The following CNNM2 variants were observed in gnomAD, a reference collection of about 807,000 sequenced individuals.
CNNM2 encodes cyclin and CBS domain divalent metal cation transport mediator 2, also known as metal transporter CNNM2.
A neutral mutation model predicts 66.9 loss-of-function variants in CNNM2; 12 were observed. The ratio of observed to expected loss-of-function variants is 0.18; its 90% CI spans 0.11 to 0.29. CNNM2 has a LOEUF of 0.29. CNNM2 is among the 10% of genes least tolerant of loss of function. The pLI, the probability that CNNM2 is intolerant of heterozygous loss-of-function variation, is 1.00. For synonymous variants in CNNM2, 557 were observed against 501.8 expected, an observed-to-expected ratio of 1.11 and a Z score of -1.47; for missense variants, 705 against 1,167.7, an observed-to-expected ratio of 0.60 and a Z score of 5.77.
At chr10:102,961,282 A>G (rs917304571) in intron 1 of CNNM2, among the ~76,000 whole-genome samples, 4 of 152,160 alleles carry the variant, frequency 2.6e-5, no homozygotes, top group African/African-American at 9.7e-5. Flanking sequence ...AGATAACACC[A>G]TGCTCTGGTA....
Position 103,087,140 on chromosome 10 carries a change from A to ATTTTTTTTTTTTTTTTTTTTTTTT in CNNM2, c.*9969_*9992dup, listed in dbSNP as rs71019655. 3 of 75,374 alleles carry ATTTTTTTTTTTTTTTTTTTTTTTT rather than the reference A, an allele frequency of 4.0e-5. 1 individual carries two copies. The highest frequency in any genetic ancestry group is 7.0e-5 in the Non-Finnish European group (3 of 42,738). 4.7% of individuals were successfully genotyped at this position (75,374 alleles called of 1,614,324 possible). On this transcript the variant is annotated 3_prime_UTR_variant, in exon 8 of 8. Coordinates refer to ENST00000369878, the MANE Select transcript of CNNM2 (RefSeq NM_017649.5). Reference sequence around the variant, plus strand: ...TTCTCACGGTATAAAACTCCGCAGGATTTTTTTTTTTTTTTTTTTTTTTTT... The same window carrying ATTTTTTTTTTTTTTTTTTTTTTTT: ...TTCTCACGGTATAAAACTCCGCAGGATTTTTTTTTTTTTTTTTTTTTTTTTTTTTTTTTTTTTTTTTTTTTTTTT...
At chr10:102,948,879 T>TAG (rs1554891057) in intron 1 of CNNM2, among the ~76,000 whole-genome samples, 3 of 151,394 alleles carry the variant, frequency 2.0e-5, no homozygotes, top group Non-Finnish European at 2.9e-5. Flanking sequence ...CTTTCAATGA[T>TAG]AGAGAGAGAG....
intron 4 of CNNM2, among the ~76,000 whole-genome samples, chr10:103,061,557 A>G (rs1225631608): frequency 6.6e-6 from 1 of 152,226 alleles, no homozygotes; most frequent in Non-Finnish European, 1.5e-5. Flanking sequence ...AGCAGCTAGA[A>G]TAAAAGGATT....
At chr10:102,962,504 GAC>G (rs2063397630) in intron 1 of CNNM2, among the ~76,000 whole-genome samples, 1 of 152,048 alleles carries the variant, frequency 6.6e-6, no homozygotes, top group African/African-American at 2.4e-5. Context: ...GTCTAACTCA[GAC>G]ACAGAGACAT....
chr10:102,975,469 GAAAA>G (rs57482469), intron 1 of CNNM2, among the ~76,000 whole-genome samples: 16 of 119,280 alleles, frequency 1.3e-4, no homozygotes, highest in African/African-American at 5.2e-4. Context: ...GATGGAATTA[GAAAA>G]AAAAAAAAAA....
intron 1 of CNNM2, among the ~76,000 whole-genome samples, chr10:103,019,057 C>T (rs2064515664): frequency 6.6e-6 from 1 of 151,284 alleles, no homozygotes; most frequent in African/African-American, 2.4e-5. Context: ...CACTTGAGCC[C>T]AGGAGTTAGA....
rs2066179964 is a variant in CNNM2, at chr10:103,089,654, GGGTTTT to G, written c.*12481_*12486del. The stretch of plus-strand genomic sequence containing the variant: ...CCAGGACTTGTTTAATGGGTGCTTG[GGGTTTT>G]GGTTTTCCTCCTTATTCTTCCTCCT... On this transcript the variant is annotated 3_prime_UTR_variant, in exon 8 of 8. Transcript: ENST00000369878. The G allele has an allele frequency of 6.3e-7, 1 of 1,576,634 alleles. No individual in the cohort carries two copies. Among genetic ancestry groups the G allele is most frequent in the African/African-American group, 1.4e-5 (1 of 74,018 alleles).
At position 102,918,367 on chromosome 10, in the gene CNNM2, G is replaced by A; in HGVS notation, c.-114G>A. On this transcript the variant is annotated 5_prime_UTR_variant, in exon 1 of 8. Transcript: ENST00000369878. This position sits in a 1 kb window ranked among gnomAD's most constrained non-coding sequence, Gnocchi z 4.1. ...GGTGGAGTCAGTGTCAGTCAGGGAG[G>A]CGAACTGCTGAGCACTGGCCGCGGA... The A allele has an allele frequency of 6.7e-7, 1 of 1,487,148 alleles. No individual in the cohort carries two copies. The highest frequency in any genetic ancestry group is 2.3e-4 in the Middle Eastern group (1 of 4,424). 92.1% of individuals were successfully genotyped at this position (1,487,148 alleles called of 1,614,324 possible).
rs12255761 is a variant in CNNM2, at chr10:103,042,109, C to T, written c.1622-7598C>T. Among the ~76,000 whole-genome samples the T allele has an allele frequency of 0.17, 25,772 of 152,142 alleles. 2,324 individuals carry two copies. Among genetic ancestry groups the T allele is most frequent in the Middle Eastern group, 0.23 (69 of 294 alleles). ...GCCATGCACTGTCCTCCACTGGGAG[C>T]GGCAGCTCTGTTCCTCTCATTGCTC... On this transcript the variant is annotated intron_variant, in intron 1 of 7. Coordinates refer to ENST00000369878, the MANE Select transcript of CNNM2 (RefSeq NM_017649.5).
Position 103,083,796 on chromosome 10 carries a change from A to C in CNNM2, c.*6616A>C, listed in dbSNP as rs1200545171. 6.6e-6 allele frequency: 1 copy of C among 152,258 alleles called. No individual in the cohort carries two copies. The highest frequency in any genetic ancestry group is 6.5e-5 in the Admixed American group (1 of 15,272). The allele number at this position is 152,258 out of a possible 1,614,324, so 9.4% of individuals were successfully genotyped here. The stretch of plus-strand genomic sequence containing the variant: ...AGCCGGCATTTCCTAGGTAAGACCA[A>C]AGGTCTCATTCAGGCCTCTCAATTG... On this transcript the variant is annotated 3_prime_UTR_variant, in exon 8 of 8. Transcript: ENST00000369878.
intron 1 of CNNM2, among the ~76,000 whole-genome samples, chr10:103,017,286 T>C (rs1008336469): frequency 6.6e-6 from 1 of 152,168 alleles, no homozygotes; most frequent in Non-Finnish European, 1.5e-5. Context: ...AGACGTACGA[T>C]GGAGGATGTC....
chr10:102,919,380 T>C lies in CNNM2; in HGVS notation c.900T>C (p.Asn300=). 6.2e-7 allele frequency: 1 copy of C among 1,612,274 alleles called. No individual in the cohort carries two copies. Among genetic ancestry groups the C allele is most frequent in the Non-Finnish European group, 8.5e-7 (1 of 1,180,010 alleles). Residue 300 remains asparagine, a synonymous_variant, in exon 1 of 8, where the codon AAT becomes AAC. Transcript: ENST00000369878. ...ACTGCGGCACGGAGAAGGAGAAGAA[T>C]TACGCCAAGCGCATCGAGCCGGTGC... ...VQNCGTEKEK[N]YAKRIEPVRR... is the part of the protein sequence containing the mutation.
chr10:103,085,265 A>G lies in CNNM2; in HGVS notation c.*8085A>G, dbSNP rs1197500802. ...TTTCCTACTGCAGTTCTACTAAGTC[A>G]TTGACTTGAGGTCAGTGGGTCCAAA... On this transcript the variant is annotated 3_prime_UTR_variant, in exon 8 of 8. Transcript: ENST00000369878. The G allele has an allele frequency of 6.6e-6, 1 of 152,224 alleles. No homozygotes were observed. Among genetic ancestry groups the G allele is most frequent in the Non-Finnish European group, 1.5e-5 (1 of 68,046 alleles). 9.4% of individuals were successfully genotyped at this position (152,224 alleles called of 1,614,324 possible).
intron 1 of CNNM2, among the ~76,000 whole-genome samples, chr10:102,958,124 C>T (rs900833046): frequency 2.0e-5 from 3 of 151,996 alleles, no homozygotes; most frequent in African/African-American, 7.2e-5. Flanking sequence ...TTAGTAGAGA[C>T]GGGGTTTCTC....
intron 1 of CNNM2, among the ~76,000 whole-genome samples, chr10:103,010,943 CTT>C (rs2134271112): frequency 6.6e-6 from 1 of 152,186 alleles, no homozygotes; most frequent in South Asian, 2.1e-4. Flanking sequence ...TTTTATATTA[CTT>C]TTTCGTTTTT....
At position 103,054,535 on chromosome 10, in the gene CNNM2, T is replaced by A; in HGVS notation, c.1903+69T>A. 7 of 1,499,486 alleles carry A rather than the reference T, an allele frequency of 4.7e-6. No individual in the cohort carries two copies. Among genetic ancestry groups the A allele is most frequent in the Non-Finnish European group, 5.5e-6 (6 of 1,091,092 alleles). 92.9% of individuals were successfully genotyped at this position (1,499,486 alleles called of 1,614,324 possible). A position where few individuals can be genotyped will look rare whatever the true frequency, so the allele number is the denominator to read the frequency against. On this transcript the variant is annotated intron_variant, in intron 3 of 7. Transcript: ENST00000369878. The surrounding 1 kb of genome is among the most constrained non-coding windows in gnomAD (Gnocchi z 5.2). ...AGCGTGTTTCTCACCCACCACTGAC[T>A]GGGGTGGGTTGGGGGTGGACACTGG...
intron 1 of CNNM2, among the ~76,000 whole-genome samples, chr10:102,956,086 G>C (rs1847023317): frequency 6.6e-6 from 1 of 152,140 alleles, no homozygotes; most frequent in South Asian, 2.1e-4. Flanking sequence ...AGGAGATCGA[G>C]ACCATCCTGG....
At chr10:103,052,870 A>G (rs2065239214) in intron 2 of CNNM2, among the ~76,000 whole-genome samples, 1 of 152,168 alleles carries the variant, frequency 6.6e-6, no homozygotes, top group Non-Finnish European at 1.5e-5. Context: ...GCCATTAGAA[A>G]ATTATTTTTA....
At chr10:102,956,583 A>G (rs1216765873) in intron 1 of CNNM2, among the ~76,000 whole-genome samples, 5 of 152,236 alleles carry the variant, frequency 3.3e-5, no homozygotes, top group African/African-American at 9.6e-5. Context: ...ATGTTCATCA[A>G]TGATAGACCG....
Sources: gnomAD v4.1 joint callset for allele counts (sites outside exome capture counted in the v4.1 genomes callset) on GRCh38, gnomAD v4.1.1 for gene constraint, Gnocchi (gnomAD v3.1) non-coding constraint, MANE v1.5 for transcripts, NCBI Gene and HGNC (gene_info 2026-07-23, HGNC 2026-07-21) for gene names.